RAB5A: variants seen among roughly 807,000 people sequenced by gnomAD.
RAB5A encodes the protein RAB5A, member RAS oncogene family, also known as ras-related protein Rab-5A.
RAB5A carries 8 observed loss-of-function variants against 25.7 expected under a neutral mutation model. The observed-to-expected ratio is 0.31, with a 90% confidence interval of 0.18 to 0.56. The LOEUF (loss-of-function observed/expected upper bound fraction) is 0.56, where lower values mean the gene tolerates loss of function less well. Among genes scored for constraint, RAB5A ranks in the 20% least tolerant of loss-of-function variants. The pLI is 0.91. For missense variants in RAB5A, 192 were observed against 259.7 expected, an observed-to-expected ratio of 0.74 and a Z score of 1.79; for synonymous variants, 98 against 89.8, an observed-to-expected ratio of 1.09 and a Z score of -0.52.
chr3:19,971,022 C>A (rs926651397), intron 2 of RAB5A, among the ~76,000 whole-genome samples: 4 of 151,978 alleles, frequency 2.6e-5, no homozygotes, highest in Admixed American at 1.3e-4. Context: ...CATGGTGAAA[C>A]CCCATCTCTA....
At chr3:19,965,544 A>G (rs1313297005) in intron 2 of RAB5A, among the ~76,000 whole-genome samples, 2 of 144,984 alleles carry the variant, frequency 1.4e-5, no homozygotes, top group Non-Finnish European at 3.1e-5. Context: ...TCAAGCTGTG[A>G]TAGTAAAAAG....
chr3:19,964,731 A>G (rs1248626100), intron 2 of RAB5A, among the ~76,000 whole-genome samples: 3 of 152,228 alleles, frequency 2.0e-5, no homozygotes, highest in Admixed American at 2.0e-4. Flanking sequence ...CTTGTGCCTC[A>G]GCCTCCTGAG....
At chr3:19,950,096 T>G (rs184980257) in intron 1 of RAB5A, among the ~76,000 whole-genome samples, 1 of 152,332 alleles carries the variant, frequency 6.6e-6, no homozygotes, top group African/African-American at 2.4e-5. Flanking sequence ...ACAAAAAAGT[T>G]ACAATTATTG....
In RAB5A at chr3:19,975,686, T is replaced by C. The variant is rs1238463694; in HGVS notation, c.249T>C (p.His83=). 6.2e-7 allele frequency: 1 copy of C among 1,613,800 alleles called. No individual in the cohort carries two copies. Among genetic ancestry groups the C allele is most frequent in the Non-Finnish European group, 8.5e-7 (1 of 1,179,728 alleles). Residue 83 remains histidine, a synonymous_variant, in exon 3 of 6, where the codon CAT becomes CAC. Coordinates refer to ENST00000273047, the MANE Select transcript of RAB5A (RefSeq NM_004162.5). ...IWDTAGQERY[H]SLAPMYYRGA... is the part of the protein sequence containing the mutation. ...ATACAGCTGGTCAAGAACGATACCATAGCCTAGCACCAATGTACTACAGAG... is the reference window on the plus strand; with the variant it reads ...ATACAGCTGGTCAAGAACGATACCACAGCCTAGCACCAATGTACTACAGAG...
Position 19,970,373 on chromosome 3 carries a change from T to C in RAB5A, c.164-5228T>C, listed in dbSNP as rs1696727519. ...TAAAGCTTCAGCTATTCTCACCTGA[T>C]TCCAGGGTCTGTGGTAAAGTAATTT... On this transcript the variant is annotated intron_variant, in intron 2 of 5. Transcript: ENST00000273047. Among the ~76,000 whole-genome samples the C allele has an allele frequency of 3.3e-5, 5 of 152,208 alleles. No homozygotes were observed. The South Asian group carries it at 1.0e-3, about 31-fold the overall frequency.
Position 19,975,698 on chromosome 3 carries a change from A to G in RAB5A, c.261A>G (p.Pro87=). ...AGQERYHSLA[P]MYYRGAQAAI... is the part of the protein sequence containing the mutation. ...AAGAACGATACCATAGCCTAGCACC[A>G]ATGTACTACAGAGGAGCACAAGCAG... is the stretch of plus-strand genomic sequence containing the variant. The change falls in exon 3 of 6, where the codon CCA becomes CCG. Residue 87 remains proline (P), a synonymous_variant. Transcript: ENST00000273047. The G allele has an allele frequency of 1.9e-6, 3 of 1,613,822 alleles. No individual in the cohort carries two copies. The highest frequency in any genetic ancestry group is 1.7e-6 in the Non-Finnish European group (2 of 1,179,744).
At chr3:19,948,896 G>A (rs1377243337) in intron 1 of RAB5A, among the ~76,000 whole-genome samples, 1 of 152,144 alleles carries the variant, frequency 6.6e-6, no homozygotes, top group African/African-American at 2.4e-5. Flanking sequence ...ATCTGAAGAT[G>A]TATTGGTGCA....
chr3:19,953,552 C>T (rs1218969283), intron 2 of RAB5A, among the ~76,000 whole-genome samples: 1 of 151,854 alleles, frequency 6.6e-6, no homozygotes, highest in African/African-American at 2.4e-5. Flanking sequence ...GGACTACAGG[C>T]GCAAGCCACC....
Position 19,985,097 on chromosome 3 carries a change from C to A in RAB5A, c.*1274C>A. 3.3e-6 allele frequency: 1 copy of A among 303,420 alleles called. No homozygotes were observed. Among genetic ancestry groups the A allele is most frequent in the South Asian group, 6.5e-5 (1 of 15,452 alleles). 18.8% of individuals were successfully genotyped at this position (303,420 alleles called of 1,614,324 possible). A position where few individuals can be genotyped will look rare whatever the true frequency, so the allele number is the denominator to read the frequency against. On this transcript the variant is annotated 3_prime_UTR_variant, in exon 6 of 6. Coordinates refer to ENST00000273047, the MANE Select transcript of RAB5A (RefSeq NM_004162.5). ...GAGAACTTGTACATTTATGATAATG[C>A]AGAATTAGGAAAACGGTTCACCAGT... is the stretch of plus-strand genomic sequence containing the variant.
Position 19,950,915 on chromosome 3 carries a change from C to T in RAB5A, c.17C>T (p.Ala6Val). The T allele has an allele frequency of 6.2e-7, 1 of 1,612,454 alleles. No individual in the cohort carries two copies. The highest frequency in any genetic ancestry group is 1.8e-4 in the Middle Eastern group (1 of 5,454). MASRG[A>V]TRPNGPNTGN... is the part of the protein sequence containing the mutation. ...AATTTGGACATGGCTAGTCGAGGCGCAACAAGACCCAACGGGCCAAATACG... is the reference window on the plus strand; with the variant it reads ...AATTTGGACATGGCTAGTCGAGGCGTAACAAGACCCAACGGGCCAAATACG... The change falls in exon 2 of 6, where the codon GCA becomes GTA. Residue 6 changes from alanine to valine, a missense_variant. Physicochemically the swap from Ala to Val is moderately conservative, Grantham distance 64. Transcript: ENST00000273047.
intron 5 of RAB5A, among the ~76,000 whole-genome samples, chr3:19,980,445 A>T (rs1167493738): frequency 2.0e-5 from 3 of 148,188 alleles, no homozygotes; most frequent in Admixed American, 6.7e-5. Flanking sequence ...AGGTTAGTAA[A>T]TTTTTTTTTC....
intron 2 of RAB5A, among the ~76,000 whole-genome samples, chr3:19,955,561 TGGG>T (rs1005996278): frequency 3.0e-4 from 46 of 152,222 alleles, no homozygotes; most frequent in African/African-American, 1.1e-3. Context: ...ATGGAATAAT[TGGG>T]GGGTTTTTTT....
chr3:19,968,329 C>T (rs900443668), intron 2 of RAB5A, among the ~76,000 whole-genome samples: 4 of 151,534 alleles, frequency 2.6e-5, no homozygotes, highest in Admixed American at 6.6e-5. Context: ...TATTTACTAC[C>T]GAAAATTGAA....
chr3:19,976,924 AAAT>A (rs1480593977), intron 4 of RAB5A, among the ~76,000 whole-genome samples: 6 of 152,216 alleles, frequency 3.9e-5, no homozygotes, highest in Admixed American at 2.0e-4. Flanking sequence ...CAGAGTTGGA[AAAT>A]AATAAGCTAA....
chr3:19,948,444 A>G (rs1236380827), intron 1 of RAB5A, among the ~76,000 whole-genome samples: 3 of 152,244 alleles, frequency 2.0e-5, no homozygotes, highest in East Asian at 1.9e-4. Context: ...CTGGCACAAA[A>G]TAAGTGCCCA....
chr3:19,965,412 C>T (rs1204822385), intron 2 of RAB5A, among the ~76,000 whole-genome samples: 2 of 134,774 alleles, frequency 1.5e-5, no homozygotes, highest in Admixed American at 1.5e-4. Flanking sequence ...AGTGGGAGAC[C>T]CTGTCTTAAA....
At chr3:19,954,306 C>T (rs1375083530) in intron 2 of RAB5A, among the ~76,000 whole-genome samples, 2 of 152,206 alleles carry the variant, frequency 1.3e-5, no homozygotes, top group Admixed American at 1.3e-4. Context: ...TGAACCTCCA[C>T]GCCTGGCCTC....
chr3:19,981,741 C>T (rs1056590814), intron 5 of RAB5A, among the ~76,000 whole-genome samples: 4 of 152,072 alleles, frequency 2.6e-5, no homozygotes, highest in Admixed American at 2.0e-4. Flanking sequence ...GGGAAGCACA[C>T]TCCAGAGAAC....
intron 2 of RAB5A, among the ~76,000 whole-genome samples, chr3:19,966,843 C>T (rs533701386): frequency 5.8e-4 from 88 of 152,168 alleles, no homozygotes; most frequent in African/African-American, 2.0e-3. Context: ...CTCACTCTGT[C>T]ACCCAGACTG....
Sources: gnomAD v4.1 joint callset for allele counts (sites outside exome capture counted in the v4.1 genomes callset) on GRCh38, gnomAD v4.1.1 for gene constraint, MANE v1.5 for transcripts, NCBI Gene and HGNC (gene_info 2026-07-23, HGNC 2026-07-21) for gene names.